Variants in CEP63 observed in about 807,000 individuals in gnomAD.
CEP63 encodes centrosomal protein of 63 kDa.
In CEP63, 84 loss-of-function variants were observed where a neutral mutation model predicts 89.1. The ratio of observed to expected loss-of-function variants is 0.94; its 90% CI spans 0.79 to 1.13. The LOEUF is 1.13. Ranked by LOEUF, CEP63 falls within the 50% of genes most tolerant of loss-of-function variation. The pLI is 0.00. For synonymous variants in CEP63, 267 were observed against 272.5 expected (o/e 0.98, Z 0.20); for missense variants, 838 against 813.3 (o/e 1.03, Z -0.37).
downstream of CEP63, among the ~76,000 whole-genome samples, chr3:134,588,050 T>C (rs1231425401): frequency 6.6e-6 from 1 of 152,158 alleles, no homozygotes; most frequent in Non-Finnish European, 1.5e-5. Context: ...TTCCAGCACT[T>C]TGGGAGGCCA....
chr3:134,524,372 T>G (rs1948186814), intron 3 of CEP63, among the ~76,000 whole-genome samples: 1 of 152,204 alleles, frequency 6.6e-6, no homozygotes, highest in South Asian at 2.1e-4. Context: ...TTGGATGCCC[T>G]TTATTTCTTT....
chr3:134,568,496 C>A (rs1957879039), downstream of CEP63, among the ~76,000 whole-genome samples: 1 of 152,148 alleles, frequency 6.6e-6, no homozygotes, highest in Admixed American at 6.5e-5. Flanking sequence ...TCAGTGCTTC[C>A]CCAAGGATCC....
At chr3:134,623,461 A>G in the CEP63 span, among the ~76,000 whole-genome samples, 2 of 152,054 alleles carry the variant, frequency 1.3e-5, no homozygotes, top group Non-Finnish European at 2.9e-5. Flanking sequence ...TTCTGCCTTT[A>G]CAGGGACTTC....
At chr3:134,505,605 T>A (rs1358736877) in intron 2 of CEP63, among the ~76,000 whole-genome samples, 4 of 152,118 alleles carry the variant, frequency 2.6e-5, no homozygotes, top group African/African-American at 9.7e-5. Context: ...GTGGGTGACA[T>A]GCACAGGCAC....
chr3:134,497,613 T>C (rs1385752244), intron 2 of CEP63, among the ~76,000 whole-genome samples: 2 of 152,198 alleles, frequency 1.3e-5, no homozygotes, highest in African/African-American at 4.8e-5. Context: ...CAAGTGATCC[T>C]CCTGCCTCAG....
At chr3:134,549,337 G>A (rs1212322278) in intron 10 of CEP63, among the ~76,000 whole-genome samples, 161 bp downstream of exon 10, 1 of 152,130 alleles carries the variant, frequency 6.6e-6, no homozygotes, top group Non-Finnish European at 1.5e-5. Flanking sequence ...CATAGGGAAA[G>A]TGCCTTCTTT....
the CEP63 span, chr3:134,607,508 C>T: frequency 1.0e-6 from 1 of 985,696 alleles, no homozygotes; most frequent in Non-Finnish European, 1.2e-6. Context: ...ACGGTGCCAC[C>T]AGGCAGTCCT....
chr3:134,774,530 C>T, the CEP63 span, among the ~76,000 whole-genome samples: 6,547 of 152,278 alleles, frequency 0.043, 304 homozygotes, highest in South Asian at 0.25. Flanking sequence ...AGACAGGGTT[C>T]CCCAGGTGGG....
At chr3:134,540,509 A>G (rs1178128489) in intron 6 of CEP63, among the ~76,000 whole-genome samples, 1 of 152,144 alleles carries the variant, frequency 6.6e-6, no homozygotes, top group Non-Finnish European at 1.5e-5. Context: ...CCAATGATGG[A>G]TTGATAGACT....
the CEP63 span, among the ~76,000 whole-genome samples, chr3:134,740,068 A>G: frequency 6.6e-6 from 1 of 152,010 alleles, no homozygotes; most frequent in Non-Finnish European, 1.5e-5. Context: ...GGGCTAGGCA[A>G]TGGAAGTAGA....
chr3:134,633,941 T>C, the CEP63 span, among the ~76,000 whole-genome samples: 3 of 152,206 alleles, frequency 2.0e-5, no homozygotes, highest in Non-Finnish European at 4.4e-5. Flanking sequence ...CAAACATCGA[T>C]TGTATTTCTG....
At chr3:134,633,999 C>T in the CEP63 span, among the ~76,000 whole-genome samples, 1 of 152,144 alleles carries the variant, frequency 6.6e-6, no homozygotes, top group South Asian at 2.1e-4. Flanking sequence ...ATAACCATTT[C>T]CCATAGTTCC....
chr3:134,779,408 T>C, the CEP63 span, among the ~76,000 whole-genome samples: 1 of 152,214 alleles, frequency 6.6e-6, no homozygotes. Flanking sequence ...TTTCCTATTA[T>C]GGATTGTGAG....
chr3:134,592,215 T>A (rs1292084210), downstream of CEP63, among the ~76,000 whole-genome samples: 1 of 152,208 alleles, frequency 6.6e-6, no homozygotes, highest in Non-Finnish European at 1.5e-5. Flanking sequence ...TGCTCGAGCA[T>A]CTTTACAACT....
the CEP63 span, among the ~76,000 whole-genome samples, chr3:134,693,465 A>C: frequency 1.3e-5 from 2 of 152,248 alleles, no homozygotes; most frequent in African/African-American, 4.8e-5. Context: ...AAAGTAAAAA[A>C]GCCCATTGTG....
chr3:134,545,763 C>T lies in CEP63; in HGVS notation c.733C>T (p.Leu245=), dbSNP rs571822384. 2 of 1,613,844 alleles carry T rather than the reference C, an allele frequency of 1.2e-6. No individual in the cohort carries two copies. The highest frequency in any genetic ancestry group is 2.7e-5 in the African/African-American group (2 of 75,000). The change falls in exon 7 of 15, where the codon CTA becomes TTA. Residue 245 remains leucine, a synonymous_variant. Coordinates refer to ENST00000675561, the MANE Select transcript of CEP63 (RefSeq NM_001353108.3). ...CTTGGTTGGAACCAGTATGACTGTC[C>T]TACAGGAGCAGCAGCAAAAAGAAGA... ...NDLVGTSMTV[L]QEQQQKEEKL...
chr3:134,622,340 T>C, the CEP63 span, among the ~76,000 whole-genome samples: 1 of 152,114 alleles, frequency 6.6e-6, no homozygotes, highest in Non-Finnish European at 1.5e-5. Context: ...ATAAATAAAA[T>C]AGAGTATATA....
the CEP63 span, among the ~76,000 whole-genome samples, chr3:134,628,885 A>T: frequency 1.3e-5 from 2 of 152,162 alleles, no homozygotes; most frequent in Non-Finnish European, 2.9e-5. Context: ...CTTTCTTGAG[A>T]TCCTGACTGC....
intron 2 of CEP63, among the ~76,000 whole-genome samples, chr3:134,503,605 A>G (rs1942663508): frequency 6.6e-6 from 1 of 152,080 alleles, no homozygotes; most frequent in Non-Finnish European, 1.5e-5. Context: ...AAAGTGGGGT[A>G]CCGAAGTCCC....
Sources: gnomAD v4.1 joint callset for allele counts (sites outside exome capture counted in the v4.1 genomes callset) on GRCh38, gnomAD v4.1.1 for gene constraint, MANE v1.5 for transcripts, NCBI Gene and HGNC (gene_info 2026-07-23, HGNC 2026-07-21) for gene names.